Variants in DGKI observed in about 807,000 individuals in gnomAD.
DGKI encodes DAG kinase iota.
Under a neutral mutation model 147.5 loss-of-function variants are expected in DGKI, and 55 were observed. The observed-to-expected ratio is 0.37, with a 90% confidence interval of 0.30 to 0.47. The LOEUF is 0.47. Ranked by LOEUF, DGKI falls within the 20% of genes least tolerant of loss-of-function variation. DGKI has a pLI of 1.00. For synonymous variants in DGKI, 469 were observed against 477.1 expected (o/e 0.98, Z 0.22); for missense variants, 1,007 against 1,323.8 (o/e 0.76, Z 3.71).
At chr7:137,694,254 G>A (rs187411744) in intron 1 of DGKI, among the ~76,000 whole-genome samples, 215 of 151,904 alleles carry the variant, frequency 1.4e-3, no homozygotes, top group Non-Finnish European at 1.9e-3. Context: ...CCCAGGGGGC[G>A]GAGCCTGCAG....
At chr7:137,574,789 A>G (rs1818914191) in intron 17 of DGKI, among the ~76,000 whole-genome samples, 1 of 152,198 alleles carries the variant, frequency 6.6e-6, no homozygotes, top group African/African-American at 2.4e-5. Flanking sequence ...GAAAATATGG[A>G]AAGTGGAACA....
intron 6 of DGKI, among the ~76,000 whole-genome samples, chr7:137,632,346 A>G (rs1405624257): frequency 6.6e-6 from 1 of 152,200 alleles, no homozygotes; most frequent in African/African-American, 2.4e-5. Context: ...GGAGAGGGTA[A>G]GTCCCCAGGA....
intron 21 of DGKI, among the ~76,000 whole-genome samples, chr7:137,500,069 C>A (rs1816116900): frequency 6.6e-6 from 1 of 152,106 alleles, no homozygotes; most frequent in Non-Finnish European, 1.5e-5. Context: ...GCAGCCAGAG[C>A]AGACTAAAAC....
intron 1 of DGKI, among the ~76,000 whole-genome samples, chr7:137,739,955 C>T (rs1795131153): frequency 6.6e-6 from 1 of 152,162 alleles, no homozygotes; most frequent in Admixed American, 6.5e-5. Context: ...CCCAGTGATT[C>T]CGCTCCACCA....
chr7:137,395,012 G>T (rs1205816725), intron 32 of DGKI, among the ~76,000 whole-genome samples: 1 of 152,128 alleles, frequency 6.6e-6, no homozygotes, highest in African/African-American at 2.4e-5. Context: ...ATGCTATCTA[G>T]TACCTGAGGT....
intron 1 of DGKI, among the ~76,000 whole-genome samples, chr7:137,770,422 T>C (rs1796154032): frequency 6.6e-6 from 1 of 152,050 alleles, no homozygotes; most frequent in African/African-American, 2.4e-5. Context: ...CCATGGCACA[T>C]GTATACCTAT....
At chr7:137,805,055 A>C (rs1448574762) in intron 1 of DGKI, among the ~76,000 whole-genome samples, 1 of 152,214 alleles carries the variant, frequency 6.6e-6, no homozygotes, top group African/African-American at 2.4e-5. Context: ...TAAGAACTAC[A>C]GGTTGACACA....
chr7:137,833,010 C>T (rs1167937023), intron 1 of DGKI, among the ~76,000 whole-genome samples: 2 of 152,192 alleles, frequency 1.3e-5, no homozygotes, highest in Non-Finnish European at 2.9e-5. Flanking sequence ...CTTGTCTCCA[C>T]CTCAGCCTGG....
chr7:137,819,854 T>C (rs1797846285), intron 1 of DGKI, among the ~76,000 whole-genome samples: 1 of 152,130 alleles, frequency 6.6e-6, no homozygotes, highest in Non-Finnish European at 1.5e-5. Flanking sequence ...ATACACCATG[T>C]TTTTTCAAAC....
intron 3 of DGKI, among the ~76,000 whole-genome samples, chr7:137,676,283 C>A (rs759900085): frequency 6.6e-6 from 1 of 152,184 alleles, no homozygotes; most frequent in Non-Finnish European, 1.5e-5. Context: ...ATGAAGTTGA[C>A]TCCTGAGTTG....
chr7:137,609,070 A>G lies in DGKI; in HGVS notation c.1069-6T>C. 1 of 1,608,568 alleles carries G rather than the reference A, an allele frequency of 6.2e-7. No individual in the cohort carries two copies. The highest frequency in any genetic ancestry group is 1.1e-5 in the South Asian group (1 of 90,940). ...GGACGACCTTTGTTTTCCTGCTGAAAGAAGCAATCAGCACTGTTAGGATAC... is the reference window on the plus strand; with the variant it reads ...GGACGACCTTTGTTTTCCTGCTGAAGGAAGCAATCAGCACTGTTAGGATAC... On this transcript the variant is annotated splice_polypyrimidine_tract_variant and splice_region_variant and intron_variant, in intron 9 of 32. Coordinates refer to ENST00000614521, the MANE Select transcript of DGKI (RefSeq NM_001321708.2).
At chr7:137,585,511 C>T (rs1819360916) in intron 13 of DGKI, among the ~76,000 whole-genome samples, 165 bp from the exon 14 acceptor site, 1 of 152,162 alleles carries the variant, frequency 6.6e-6, no homozygotes, top group Admixed American at 6.5e-5. Flanking sequence ...TGAGACAATA[C>T]TATAAGTAAG....
Position 137,578,334 on chromosome 7 carries a change from G to T in DGKI, c.1643-9C>A. On this transcript the variant is annotated splice_polypyrimidine_tract_variant and intron_variant, in intron 15 of 32. Transcript: ENST00000614521. ...TTTCTCTGGATTTGCTTCTGTGAAAGAGGAAAAGTAGTTTTGTTATGGAGA... is the reference window on the plus strand; with the variant it reads ...TTTCTCTGGATTTGCTTCTGTGAAATAGGAAAAGTAGTTTTGTTATGGAGA... 6.2e-7 allele frequency: 1 copy of T among 1,612,544 alleles called. No individual in the cohort carries two copies. Among genetic ancestry groups the T allele is most frequent in the East Asian group, 2.2e-5 (1 of 44,856 alleles).
chr7:137,578,299 G>A lies in DGKI; in HGVS notation c.1669C>T (p.Arg557Cys), dbSNP rs1037324471. ...GCATAGAACATTTTATTTCGAAAAC[G>A]ACTGTTGAATTTCTCTGGATTTGCT... ...REANPEKFNS[R>C]FRNKMFYAGA... The change falls in exon 16 of 33, where the codon CGT becomes TGT. Residue 557 changes from arginine to cysteine, a missense_variant. By Grantham distance (180) the Arg-to-Cys change is radical. Transcript: ENST00000614521. 3 of 1,613,166 alleles carry A rather than the reference G, an allele frequency of 1.9e-6. No individual in the cohort carries two copies. The highest frequency in any genetic ancestry group is 1.3e-5 in the African/African-American group (1 of 75,006).
intron 20 of DGKI, among the ~76,000 whole-genome samples, chr7:137,535,482 C>G (rs1034510316): frequency 5.9e-5 from 9 of 151,610 alleles, no homozygotes; most frequent in Non-Finnish European, 1.3e-4. Flanking sequence ...CCCTCCTTTT[C>G]CCTGCCAAAC....
intron 15 of DGKI, among the ~76,000 whole-genome samples, chr7:137,580,371 C>T (rs1483685063): frequency 6.6e-6 from 1 of 152,074 alleles, no homozygotes; most frequent in African/African-American, 2.4e-5. Flanking sequence ...ATGTTGGCCC[C>T]AAGGTAAGTC....
intron 27 of DGKI, among the ~76,000 whole-genome samples, chr7:137,446,587 A>G (rs188799011): frequency 6.6e-6 from 1 of 152,126 alleles, no homozygotes; most frequent in Non-Finnish European, 1.5e-5. Context: ...GTAGCTGGGC[A>G]TGGTGGTGGG....
At chr7:137,395,518 G>A (rs1261928735) in intron 32 of DGKI, 80 bp downstream of exon 32, 24 of 1,337,124 alleles carry the variant, frequency 1.8e-5, no homozygotes, top group South Asian at 2.4e-5. Flanking sequence ...AAGGATGTCC[G>A]TGCTATGGTC....
Position 137,722,902 on chromosome 7 carries a change from A to AAAG in DGKI, c.402-32901_402-32900insCTT, listed in dbSNP as rs1167865371. The AAAG allele has an allele frequency of 5.2e-5, 39 of 755,752 alleles. No homozygotes were observed. In the East Asian group the frequency reaches 9.3e-4, roughly 18 times the overall value. 46.8% of individuals were successfully genotyped at this position (755,752 alleles called of 1,614,324 possible). A position where few individuals can be genotyped will look rare whatever the true frequency, so the allele number is the denominator to read the frequency against. ...AGTTGACTACGTTAAAAAAAAAAAAAAGTATAGCATAGTGAGTGGTGAAGT... is the reference window on the plus strand; with the variant it reads ...AGTTGACTACGTTAAAAAAAAAAAAAAAGAGTATAGCATAGTGAGTGGTGAAGT... On this transcript the variant is annotated intron_variant, in intron 1 of 32. Transcript: ENST00000614521.
Sources: gnomAD v4.1 joint callset for allele counts (sites outside exome capture counted in the v4.1 genomes callset) on GRCh38, gnomAD v4.1.1 for gene constraint, MANE v1.5 for transcripts, NCBI Gene and HGNC (gene_info 2026-07-23, HGNC 2026-07-21) for gene names.